Variants in ERVH48-1 observed in about 807,000 individuals in gnomAD.
The protein encoded by ERVH48-1 is suppressyn.
A neutral mutation model predicts 2.4 loss-of-function variants in ERVH48-1; 4 were observed. That is an observed-to-expected ratio of 1.68 (90% CI 0.83 to 3.84). The LOEUF (loss-of-function observed/expected upper bound fraction) is 3.84. Ranked by LOEUF, ERVH48-1 falls within the 30% of genes most tolerant of loss-of-function variation. The pLI is 0.01. For missense variants in ERVH48-1, 97 were observed against 43.4 expected (o/e 2.23, Z -3.47); for synonymous variants, 32 against 15.5 (o/e 2.06, Z -2.49).
At chr21:42,925,311 T>A (rs1287838434) in intron 1 of ERVH48-1, 35 bp downstream of exon 1, 2 of 380,074 alleles carry the variant, frequency 5.3e-6, no homozygotes, top group African/African-American at 2.2e-5. Context: ...GCCGTGCGGA[T>A]TTTTCCCTGT....
chr21:42,918,355 G>T lies in ERVH48-1; in HGVS notation c.*169C>A, dbSNP rs1319229973. The T allele has an allele frequency of 2.8e-6, 1 of 360,682 alleles. No individual in the cohort carries two copies. Among genetic ancestry groups the T allele is most frequent in the Non-Finnish European group, 5.4e-6 (1 of 184,890 alleles). 22.3% of individuals were successfully genotyped at this position (360,682 alleles called of 1,614,324 possible). A position where few individuals can be genotyped will look rare whatever the true frequency, so the allele number is the denominator to read the frequency against. ...CCTGAGGAGTGAAAGTGAGTCTGGG[G>T]TTTTGGGATGCCTGTAAGTAAGGGG... is the stretch of plus-strand genomic sequence containing the variant. On this transcript the variant is annotated 3_prime_UTR_variant, in exon 2 of 2. Coordinates refer to ENST00000447535, the MANE Select transcript of ERVH48-1 (RefSeq NM_001308491.2).
At position 42,918,365 on chromosome 21, in the gene ERVH48-1, G is replaced by A; in HGVS notation, c.*159C>T. 2.8e-6 allele frequency: 1 copy of A among 360,710 alleles called. No individual in the cohort carries two copies. The highest frequency in any genetic ancestry group is 5.4e-6 in the Non-Finnish European group (1 of 184,760). The allele number at this position is 360,710 out of a possible 1,614,324, so 22.3% of individuals were successfully genotyped here. On this transcript the variant is annotated 3_prime_UTR_variant, in exon 2 of 2. Transcript: ENST00000447535. ...GAAAGTGAGTCTGGGGTTTTGGGAT[G>A]CCTGTAAGTAAGGGGGAATGTCTAT...
chr21:42,921,608 G>T (rs1361276087), intron 1 of ERVH48-1, among the ~76,000 whole-genome samples: 4 of 152,082 alleles, frequency 2.6e-5, no homozygotes, highest in African/African-American at 7.2e-5. Flanking sequence ...TTTGAGAGGG[G>T]CTACCCAGGA....
rs566856310 is a variant in ERVH48-1 at position 42,921,145 on chromosome 21, T to C, written c.-285-1854A>G. The stretch of plus-strand genomic sequence containing the variant: ...AACCTGGAGGGCGGGTCCCTTAGAC[T>C]GGGTTAGAACACGTAGTGCGACTCC... On this transcript the variant is annotated intron_variant, in intron 1 of 1. Coordinates refer to ENST00000447535, the MANE Select transcript of ERVH48-1 (RefSeq NM_001308491.2). Among the ~76,000 whole-genome samples, 3 of 152,066 alleles carry C rather than the reference T, an allele frequency of 2.0e-5. No homozygotes were observed. The South Asian group carries it at 6.2e-4, about 32-fold the overall frequency.
intron 1 of ERVH48-1, among the ~76,000 whole-genome samples, chr21:42,922,768 G>A (rs2058810163): frequency 6.8e-6 from 1 of 146,386 alleles, no homozygotes; most frequent in African/African-American, 2.6e-5. Context: ...AAAAAAAAGT[G>A]AGTGAAGGAA....
intron 1 of ERVH48-1, among the ~76,000 whole-genome samples, chr21:42,922,702 T>C (rs1164080493): frequency 7.6e-6 from 1 of 130,926 alleles, no homozygotes; most frequent in Non-Finnish European, 1.5e-5. Context: ...ATTGCGCCAC[T>C]GCACTCCAGC....
At chr21:42,921,522 C>T (rs530121426) in intron 1 of ERVH48-1, among the ~76,000 whole-genome samples, 9 of 152,056 alleles carry the variant, frequency 5.9e-5, no homozygotes, top group South Asian at 4.2e-4. Flanking sequence ...TGCATGTTTG[C>T]GCTTTTTTAG....
intron 1 of ERVH48-1, among the ~76,000 whole-genome samples, chr21:42,923,900 G>T (rs921122520): frequency 8.5e-5 from 13 of 152,172 alleles, no homozygotes; most frequent in African/African-American, 3.1e-4. Flanking sequence ...TAAGAGGCAG[G>T]GTATTCTGGA....
chr21:42,917,538 C>T lies in ERVH48-1; in HGVS notation c.*986G>A, dbSNP rs556060062. On this transcript the variant is annotated 3_prime_UTR_variant, in exon 2 of 2. Coordinates refer to ENST00000447535, the MANE Select transcript of ERVH48-1 (RefSeq NM_001308491.2). ...TCCATTATTGCCTATGTTAAGACAG[C>T]AATTGGAGATGTTAAACTTACCACA... 3.9e-5 allele frequency: 6 copies of T among 152,272 alleles called. No homozygotes were observed. The East Asian group carries it at 9.6e-4, about 24-fold the overall frequency. 9.4% of individuals were successfully genotyped at this position (152,272 alleles called of 1,614,324 possible).
Position 42,925,324 on chromosome 21 carries a change from A to G in ERVH48-1, c.-286+22T>C, listed in dbSNP as rs1301555091. On this transcript the variant is annotated intron_variant, in intron 1 of 1. Coordinates refer to ENST00000447535, the MANE Select transcript of ERVH48-1 (RefSeq NM_001308491.2). Reference sequence around the variant, plus strand: ...AGGCCGTGCGGATTTTTCCCTGTTAACCGGGCTCCCAGGAAACTTACCAGT... The same window carrying G: ...AGGCCGTGCGGATTTTTCCCTGTTAGCCGGGCTCCCAGGAAACTTACCAGT... 1.2e-5 allele frequency: 5 copies of G among 407,366 alleles called. 1 individual carries two copies. The highest frequency in any genetic ancestry group is 1.6e-4 in the East Asian group (2 of 12,484). 25.2% of individuals were successfully genotyped at this position (407,366 alleles called of 1,614,324 possible). A position where few individuals can be genotyped will look rare whatever the true frequency, so the allele number is the denominator to read the frequency against.
intron 1 of ERVH48-1, among the ~76,000 whole-genome samples, chr21:42,923,097 GC>G (rs746197099): frequency 6.6e-6 from 1 of 152,204 alleles, no homozygotes; most frequent in Non-Finnish European, 1.5e-5. Flanking sequence ...CCTTGCAGGG[GC>G]CGCTCACAGT....
chr21:42,922,608 C>T (rs1025589808), intron 1 of ERVH48-1, among the ~76,000 whole-genome samples: 2 of 151,592 alleles, frequency 1.3e-5, no homozygotes, highest in Non-Finnish European at 1.5e-5. Context: ...GGCATAGTGG[C>T]GGGCGCCTGT....
rs973218989 is a variant in ERVH48-1 at position 42,918,982 on chromosome 21, A to G, written c.25T>C (p.Phe9Leu). 2.0e-6 allele frequency: 2 copies of G among 1,012,170 alleles called. No homozygotes were observed. Among genetic ancestry groups the G allele is most frequent in the African/African-American group, 3.3e-5 (2 of 60,252 alleles). 62.7% of individuals were successfully genotyped at this position (1,012,170 alleles called of 1,614,324 possible). MACIYPTT[F>L]YTSLPTKSLN... ...CTTTTGGTTGGAAGAGAGGTATAGAAAGTGGTTGGGTAGATACAGGCCATT... is the reference window on the plus strand; with the variant it reads ...CTTTTGGTTGGAAGAGAGGTATAGAGAGTGGTTGGGTAGATACAGGCCATT... The change falls in exon 2 of 2, where the codon TTC becomes CTC. Residue 9 changes from phenylalanine (F) to leucine (L), a missense_variant. Coordinates refer to ENST00000447535, the MANE Select transcript of ERVH48-1 (RefSeq NM_001308491.2).
Position 42,919,148 on chromosome 21 carries a change from G to T in ERVH48-1, c.-142C>A, listed in dbSNP as rs1601233390. ...GAGGAAGAAGCTGCCTTGGGGGTGA[G>T]CTTGACCCTGGTGCGATGGATCCAG... is the stretch of plus-strand genomic sequence containing the variant. On this transcript the variant is annotated 5_prime_UTR_variant, in exon 2 of 2. Transcript: ENST00000447535. 2.8e-6 allele frequency: 3 copies of T among 1,063,380 alleles called. No homozygotes were observed. The highest frequency in any genetic ancestry group is 3.3e-5 in the African/African-American group (2 of 59,936). 65.9% of individuals were successfully genotyped at this position (1,063,380 alleles called of 1,614,324 possible). A position where few individuals can be genotyped will look rare whatever the true frequency, so the allele number is the denominator to read the frequency against.
intron 1 of ERVH48-1, among the ~76,000 whole-genome samples, chr21:42,923,090 T>C (rs549846108): frequency 1.2e-4 from 18 of 152,242 alleles, no homozygotes; most frequent in African/African-American, 4.1e-4. Context: ...AGGCGGTCCT[T>C]GCAGGGGCCG....
chr21:42,924,129 A>G (rs1404468094), intron 1 of ERVH48-1, among the ~76,000 whole-genome samples: 1 of 152,152 alleles, frequency 6.6e-6, no homozygotes. Flanking sequence ...TGAAGGGGGA[A>G]GGAGGGTTGA....
intron 1 of ERVH48-1, among the ~76,000 whole-genome samples, chr21:42,923,657 G>T (rs965180546): frequency 6.6e-6 from 1 of 152,168 alleles, no homozygotes; most frequent in East Asian, 1.9e-4. Flanking sequence ...ATGTGGTCTC[G>T]ATGGCAGCAT....
chr21:42,917,804 AG>A lies in ERVH48-1; in HGVS notation c.*719del. On this transcript the variant is annotated 3_prime_UTR_variant, in exon 2 of 2. Coordinates refer to ENST00000447535, the MANE Select transcript of ERVH48-1 (RefSeq NM_001308491.2). Reference sequence around the variant, plus strand: ...CATAGTATTCAATGATCCGTTGCAGAGGCCACTCGTCCTCTCACAATCTTTG... The same window carrying A: ...CATAGTATTCAATGATCCGTTGCAGAGCCACTCGTCCTCTCACAATCTTTG... The A allele has an allele frequency of 6.6e-6, 1 of 152,220 alleles. No individual in the cohort carries two copies. The allele number at this position is 152,220 out of a possible 1,614,324, so 9.4% of individuals were successfully genotyped here. A position where few individuals can be genotyped will look rare whatever the true frequency, so the allele number is the denominator to read the frequency against.
At position 42,919,102 on chromosome 21, in the gene ERVH48-1, C is replaced by T. The variant is rs2058797871; in HGVS notation, c.-96G>A. 1 of 1,197,050 alleles carries T rather than the reference C, an allele frequency of 8.4e-7. No individual in the cohort carries two copies. The highest frequency in any genetic ancestry group is 1.1e-6 in the Non-Finnish European group (1 of 944,266). 74.2% of individuals were successfully genotyped at this position (1,197,050 alleles called of 1,614,324 possible). A position where few individuals can be genotyped will look rare whatever the true frequency, so the allele number is the denominator to read the frequency against. On this transcript the variant is annotated 5_prime_UTR_variant, in exon 2 of 2. Transcript: ENST00000447535. ...GGTAGGAGAAATTGGCCCAGACAAA[C>T]ACTTAGCTGTTAATGTTTTGGAGGA...
Sources: gnomAD v4.1 joint callset for allele counts (sites outside exome capture counted in the v4.1 genomes callset) on GRCh38, gnomAD v4.1.1 for gene constraint, MANE v1.5 for transcripts, NCBI Gene and HGNC (gene_info 2026-07-23, HGNC 2026-07-21) for gene names.